The following IQCH variants were observed in gnomAD, a reference collection of about 807,000 sequenced individuals.
IQCH encodes the protein IQ motif containing H.
IQCH carries 98 observed loss-of-function variants against 117.0 expected under a neutral mutation model. That is an observed-to-expected ratio of 0.84 (90% CI 0.71 to 0.99). The LOEUF is 0.99. Among genes scored for constraint, IQCH ranks in the 50% least tolerant of loss-of-function variants. The pLI is 0.00. For synonymous variants in IQCH, 412 were observed against 448.2 expected, an observed-to-expected ratio of 0.92 and a Z score of 1.02; for missense variants, 1,102 against 1,243.8, an observed-to-expected ratio of 0.89 and a Z score of 1.72.
Position 67,473,683 on chromosome 15 carries a change from A to T in IQCH, c.2677-2013A>T, listed in dbSNP as rs769972551. Among the ~76,000 whole-genome samples the T allele has an allele frequency of 2.6e-5, 4 of 152,148 alleles. No individual in the cohort carries two copies. Among genetic ancestry groups the T allele is most frequent in the Admixed American group, 6.5e-5 (1 of 15,276 alleles). Reference sequence around the variant, plus strand: ...TGCTGGTATCATGCCCAAACTGGAGATTCAGAAACCAAACAGCGCCTGCCC... The same window carrying T: ...TGCTGGTATCATGCCCAAACTGGAGTTTCAGAAACCAAACAGCGCCTGCCC... On this transcript the variant is annotated intron_variant, in intron 17 of 20. Coordinates refer to ENST00000335894, the MANE Select transcript of IQCH (RefSeq NM_001031715.3). The surrounding 1 kb of genome is among the most constrained non-coding windows in gnomAD (Gnocchi z 4.9).
Position 67,365,741 on chromosome 15 carries a change from A to C in IQCH, c.753+5856A>C, listed in dbSNP as rs1178291260. Among the ~76,000 whole-genome samples, 2 of 152,080 alleles carry C rather than the reference A, an allele frequency of 1.3e-5. No homozygotes were observed. Among genetic ancestry groups the C allele is most frequent in the East Asian group, 3.9e-4 (2 of 5,188 alleles). On this transcript the variant is annotated intron_variant, in intron 8 of 20. Transcript: ENST00000335894. The surrounding 1 kb of genome is among the most constrained non-coding windows in gnomAD (Gnocchi z 4.4). Reference sequence around the variant, plus strand: ...GGTCAGGAGTTCAAGACCAGCCTGGACAACATGGTGAAACCCTATCTCTAC... The same window carrying C: ...GGTCAGGAGTTCAAGACCAGCCTGGCCAACATGGTGAAACCCTATCTCTAC...
In IQCH at chr15:67,434,072, A is replaced by ATGTGTG. The variant is rs58580724; in HGVS notation, c.2505+12506_2505+12511dup. Among the ~76,000 whole-genome samples the ATGTGTG allele has an allele frequency of 2.1e-4, 32 of 151,464 alleles. 1 individual carries two copies. Among genetic ancestry groups the ATGTGTG allele is most frequent in the African/African-American group, 7.0e-4 (29 of 41,290 alleles). On this transcript the variant is annotated intron_variant, in intron 16 of 20. Transcript: ENST00000335894. ...TTAACATATCCATCATCTCACTTGG[A>ATGTGTG]TGTGTGTGTGTGTGTGGTCAGAAGT...
Position 67,342,232 on chromosome 15 carries a change from A to C in IQCH, c.509-1831A>C, listed in dbSNP as rs935324130. Reference sequence around the variant, plus strand: ...CAGTGAGCTATGATGGTGCCACTGCACTCCAACCTGATCAACAGAATGAGA... The same window carrying C: ...CAGTGAGCTATGATGGTGCCACTGCCCTCCAACCTGATCAACAGAATGAGA... On this transcript the variant is annotated intron_variant, in intron 5 of 20. Coordinates refer to ENST00000335894, the MANE Select transcript of IQCH (RefSeq NM_001031715.3). This position sits in a 1 kb window ranked among gnomAD's most constrained non-coding sequence, Gnocchi z 4.7. Among the ~76,000 whole-genome samples, 4 of 152,070 alleles carry C rather than the reference A, an allele frequency of 2.6e-5. No individual in the cohort carries two copies. The highest frequency in any genetic ancestry group is 3.8e-4 in the East Asian group (2 of 5,200).
In IQCH at chr15:67,360,487, A is replaced by T. The variant is rs538955552; in HGVS notation, c.753+602A>T. On this transcript the variant is annotated intron_variant, in intron 8 of 20. Transcript: ENST00000335894. ...AGTCCTGAACTTGAAGTAGGAATGCACCTGATTCTCCTTTGAGCAAGTCAC... is the reference window on the plus strand; with the variant it reads ...AGTCCTGAACTTGAAGTAGGAATGCTCCTGATTCTCCTTTGAGCAAGTCAC... 5.3e-5 allele frequency among the ~76,000 whole-genome samples: 8 copies of T among 152,324 alleles called. No homozygotes were observed. In the East Asian group the frequency reaches 1.5e-3, roughly 29 times the overall value.
intron 15 of IQCH, among the ~76,000 whole-genome samples, chr15:67,418,816 G>C (rs2081646929): frequency 6.6e-6 from 1 of 151,670 alleles, no homozygotes; most frequent in Non-Finnish European, 1.5e-5. Flanking sequence ...GACCTAAGGT[G>C]ATCCGCCCGC....
chr15:67,255,097 A>G lies in IQCH; in HGVS notation c.51+150A>G. The G allele has an allele frequency of 9.4e-6, 7 of 742,384 alleles. No homozygotes were observed. In the South Asian group the frequency reaches 1.1e-4, roughly 12 times the overall value. 46.0% of individuals were successfully genotyped at this position (742,384 alleles called of 1,614,324 possible). On this transcript the variant is annotated intron_variant, in intron 1 of 20. Coordinates refer to ENST00000335894, the MANE Select transcript of IQCH (RefSeq NM_001031715.3). Reference sequence around the variant, plus strand: ...GAGAGGCTCCCAAAAATGCCCACCCAGACCTTCCCCCACGGCCCAGCACAC... The same window carrying G: ...GAGAGGCTCCCAAAAATGCCCACCCGGACCTTCCCCCACGGCCCAGCACAC...
intron 16 of IQCH, among the ~76,000 whole-genome samples, chr15:67,439,503 G>T (rs1022605999): frequency 2.0e-5 from 3 of 152,034 alleles, no homozygotes; most frequent in African/African-American, 7.2e-5. Context: ...AGGAGCTAGA[G>T]ACACAAGAAA....
chr15:67,418,645 C>G (rs2081641938), intron 15 of IQCH, among the ~76,000 whole-genome samples: 1 of 141,302 alleles, frequency 7.1e-6, no homozygotes, highest in Non-Finnish European at 1.5e-5. Flanking sequence ...ATGGTGCGAT[C>G]TCGGCTCACT....
rs759264988 is a variant in IQCH at position 67,385,058 on chromosome 15, G to A, written c.1456+39G>A. On this transcript the variant is annotated intron_variant, in intron 11 of 20. Coordinates refer to ENST00000335894, the MANE Select transcript of IQCH (RefSeq NM_001031715.3). This position sits in a 1 kb window ranked among gnomAD's most constrained non-coding sequence, Gnocchi z 4.6. ...TTTTACACAAATGACTCTTTGGAAT[G>A]TTTATCAGTGGATGTTGATAGAATG... 15 of 1,196,780 alleles carry A rather than the reference G, an allele frequency of 1.3e-5. No homozygotes were observed. Among genetic ancestry groups the A allele is most frequent in the Admixed American group, 1.7e-5 (1 of 57,764 alleles). The allele number at this position is 1,196,780 out of a possible 1,614,324, so 74.1% of individuals were successfully genotyped here. A position where few individuals can be genotyped will look rare whatever the true frequency, so the allele number is the denominator to read the frequency against.
intron 15 of IQCH, 71 bp from the exon 16 acceptor site, chr15:67,421,220 G>T: frequency 7.7e-7 from 1 of 1,305,342 alleles, no homozygotes; most frequent in South Asian, 1.4e-5. Context: ...AGACATGGCA[G>T]ATGCAGAATC....
rs1036232908 is a variant in IQCH, at chr15:67,417,971, T to G, written c.2218+920T>G. Reference sequence around the variant, plus strand: ...CACAGTGATGATAATAATAGTGAGCTTAGATAGTGCTTATTATGGGCCAGG... The same window carrying G: ...CACAGTGATGATAATAATAGTGAGCGTAGATAGTGCTTATTATGGGCCAGG... On this transcript the variant is annotated intron_variant, in intron 15 of 20. Coordinates refer to ENST00000335894, the MANE Select transcript of IQCH (RefSeq NM_001031715.3). The surrounding 1 kb of genome is among the most constrained non-coding windows in gnomAD (Gnocchi z 4.3). Among the ~76,000 whole-genome samples, 23 of 152,202 alleles carry G rather than the reference T, an allele frequency of 1.5e-4. No individual in the cohort carries two copies. The highest frequency in any genetic ancestry group is 5.3e-4 in the African/African-American group (22 of 41,450).
chr15:67,493,585 A>G lies in IQCH; in HGVS notation c.2862-673A>G, dbSNP rs138053450. Among the ~76,000 whole-genome samples the G allele has an allele frequency of 2.0e-4, 31 of 152,338 alleles. No individual in the cohort carries two copies. The highest frequency in any genetic ancestry group is 1.6e-3 in the Admixed American group (25 of 15,300). The stretch of plus-strand genomic sequence containing the variant: ...AAAGACTCCAGAATACTGAGATGCA[A>G]ATGTCTCCATAGACAAGGAAATCAT... On this transcript the variant is annotated intron_variant, in intron 19 of 20. Transcript: ENST00000335894. The surrounding 1 kb of genome is among the most constrained non-coding windows in gnomAD (Gnocchi z 5.1).
In IQCH at chr15:67,481,066, G is replaced by T. The variant is rs1253450758; in HGVS notation, c.2799+5248G>T. On this transcript the variant is annotated intron_variant, in intron 18 of 20. Transcript: ENST00000335894. The surrounding 1 kb of genome is among the most constrained non-coding windows in gnomAD (Gnocchi z 4.1). ...AGAGGCATTTATTTACACAACCAAA[G>T]CCAATTAAAACTCAGCCTTGCAATA... 3.3e-5 allele frequency among the ~76,000 whole-genome samples: 5 copies of T among 152,056 alleles called. No homozygotes were observed. Among genetic ancestry groups the T allele is most frequent in the Non-Finnish European group, 2.9e-5 (2 of 68,016 alleles).
intron 4 of IQCH, among the ~76,000 whole-genome samples, chr15:67,309,041 C>T (rs1967454118): frequency 6.6e-6 from 1 of 152,080 alleles, no homozygotes; most frequent in Admixed American, 6.6e-5. Context: ...CTGGGTCAGA[C>T]TGCCTGGTGT....
intron 4 of IQCH, among the ~76,000 whole-genome samples, chr15:67,287,851 C>G (rs761450223): frequency 6.6e-6 from 1 of 151,760 alleles, no homozygotes; most frequent in Admixed American, 6.6e-5. Flanking sequence ...TGAAGCTTTC[C>G]TTTTTTTGGA....
Position 67,360,032 on chromosome 15 carries a change from TG to T in IQCH, c.753+149del, listed in dbSNP as rs1970068285. 8 of 615,700 alleles carry T rather than the reference TG, an allele frequency of 1.3e-5. No individual in the cohort carries two copies. In the East Asian group the frequency reaches 2.3e-4, roughly 18 times the overall value. The allele number at this position is 615,700 out of a possible 1,614,324, so 38.1% of individuals were successfully genotyped here. A position where few individuals can be genotyped will look rare whatever the true frequency, so the allele number is the denominator to read the frequency against. ...TTCCTTTGTAAAAGAAATTAGATCA[TG>T]GTTTCAGGAAAAAAAAAAAAACATG... On this transcript the variant is annotated intron_variant, in intron 8 of 20. Transcript: ENST00000335894.
chr15:67,425,179 G>C lies in IQCH; in HGVS notation c.2505+3602G>C, dbSNP rs113361595. Among the ~76,000 whole-genome samples, 778 of 152,284 alleles carry C rather than the reference G, an allele frequency of 5.1e-3. 13 individuals carry two copies. The highest frequency in any genetic ancestry group is 0.018 in the African/African-American group (739 of 41,554). Reference sequence around the variant, plus strand: ...AGTTAAATTGGACTATAACACAAATGTTGATTTGCTGGAGCTCTTTGTATA... The same window carrying C: ...AGTTAAATTGGACTATAACACAAATCTTGATTTGCTGGAGCTCTTTGTATA... On this transcript the variant is annotated intron_variant, in intron 16 of 20. Coordinates refer to ENST00000335894, the MANE Select transcript of IQCH (RefSeq NM_001031715.3). The surrounding 1 kb of genome is among the most constrained non-coding windows in gnomAD (Gnocchi z 5.5).
chr15:67,464,004 A>G (rs1177828622), intron 16 of IQCH, among the ~76,000 whole-genome samples: 4 of 152,172 alleles, frequency 2.6e-5, no homozygotes, highest in African/African-American at 4.8e-5. Context: ...CACCTTGCCC[A>G]GCTAACTTTT....
intron 4 of IQCH, among the ~76,000 whole-genome samples, chr15:67,321,515 T>C (rs551930537): frequency 7.0e-6 from 1 of 142,676 alleles, no homozygotes; most frequent in Non-Finnish European, 1.5e-5. Flanking sequence ...TTCTTTCTTT[T>C]TCTTTCTTTC....
Sources: gnomAD v4.1 joint callset for allele counts (sites outside exome capture counted in the v4.1 genomes callset) on GRCh38, gnomAD v4.1.1 for gene constraint, Gnocchi (gnomAD v3.1) non-coding constraint, MANE v1.5 for transcripts, NCBI Gene and HGNC (gene_info 2026-07-23, HGNC 2026-07-21) for gene names.